Variants in PTPRZ1 observed in about 807,000 individuals in gnomAD.
The protein encoded by PTPRZ1 is receptor-type tyrosine-protein phosphatase zeta.
Under a neutral mutation model 214.1 loss-of-function variants are expected in PTPRZ1, and 82 were observed. The ratio of observed to expected loss-of-function variants is 0.38; its 90% CI spans 0.32 to 0.46. The LOEUF (loss-of-function observed/expected upper bound fraction) is 0.46, where lower values mean the gene tolerates loss of function less well. PTPRZ1 is among the 20% of genes least tolerant of loss of function. The pLI is 1.00. For synonymous variants in PTPRZ1, 945 were observed against 987.9 expected (o/e 0.96, Z 0.81); for missense variants, 2,603 against 2,748.7 (o/e 0.95, Z 1.19).
At chr7:121,935,143 G>A (rs945774416) in intron 2 of PTPRZ1, among the ~76,000 whole-genome samples, 1 of 152,054 alleles carries the variant, frequency 6.6e-6, no homozygotes, top group African/African-American at 2.4e-5. Context: ...TTATTTGGTC[G>A]CAACTCTTAT....
At chr7:122,003,546 G>A (rs1039786206) in intron 10 of PTPRZ1, among the ~76,000 whole-genome samples, 3 of 152,170 alleles carry the variant, frequency 2.0e-5, no homozygotes, top group Non-Finnish European at 4.4e-5. Flanking sequence ...TGTTGGTTCA[G>A]TTATACCTTG....
At chr7:121,888,643 T>C (rs966872533) in intron 1 of PTPRZ1, among the ~76,000 whole-genome samples, 9 of 152,178 alleles carry the variant, frequency 5.9e-5, no homozygotes, top group African/African-American at 2.2e-4. Context: ...TTGACTAATA[T>C]TGAATAATAG....
At chr7:121,928,272 G>A (rs1485520136) in intron 2 of PTPRZ1, 51 bp downstream of exon 2, 2 of 1,381,636 alleles carry the variant, frequency 1.4e-6, no homozygotes, top group Non-Finnish European at 2.0e-6. Flanking sequence ...TTATTGTTTT[G>A]TATCTATTTT....
In PTPRZ1 at chr7:122,010,536, A is replaced by G. The variant is rs764490062; in HGVS notation, c.1490A>G (p.Asn497Ser). 3.1e-6 allele frequency: 5 copies of G among 1,613,656 alleles called. No homozygotes were observed. The highest frequency in any genetic ancestry group is 4.2e-6 in the Non-Finnish European group (5 of 1,179,588). The change falls in exon 12 of 30, where the codon AAT (asparagine) becomes AGT (serine). Residue 497 changes from asparagine (N) to serine (S), a missense_variant. This residue lies in a region of PTPRZ1 where 1,913 missense variants were observed against 1,914.3 expected (regional missense o/e 1.00). Transcript: ENST00000393386. Reference sequence around the variant, plus strand: ...TTCTCTGGAAAGGGTGATGTTCCCAATACATCTTTAAATTCCACTTCCCAA... The same window carrying G: ...TTCTCTGGAAAGGGTGATGTTCCCAGTACATCTTTAAATTCCACTTCCCAA... ...SEFSGKGDVP[N>S]TSLNSTSQPV...
Position 121,989,884 on chromosome 7 carries a change from G to A in PTPRZ1, c.928+5767G>A, listed in dbSNP as rs1440849441. Among the ~76,000 whole-genome samples, 6 of 152,104 alleles carry A rather than the reference G, an allele frequency of 3.9e-5. No individual in the cohort carries two copies. The South Asian group carries it at 8.3e-4, about 21-fold the overall frequency. Reference sequence around the variant, plus strand: ...TACACTACCCAGAGATAACTATTATGAAGATTTTGGTAAATATCCATCCAG... The same window carrying A: ...TACACTACCCAGAGATAACTATTATAAAGATTTTGGTAAATATCCATCCAG... On this transcript the variant is annotated intron_variant, in intron 8 of 29. Coordinates refer to ENST00000393386, the MANE Select transcript of PTPRZ1 (RefSeq NM_002851.3).
intron 13 of PTPRZ1, among the ~76,000 whole-genome samples, chr7:122,026,717 T>C (rs1207907602): frequency 1.3e-5 from 2 of 152,226 alleles, no homozygotes; most frequent in African/African-American, 4.8e-5. Context: ...TCTCTCAATA[T>C]ATCTTCTCTC....
At chr7:121,898,522 T>A (rs1029396214) in intron 1 of PTPRZ1, among the ~76,000 whole-genome samples, 1 of 152,174 alleles carries the variant, frequency 6.6e-6, no homozygotes, top group African/African-American at 2.4e-5. Flanking sequence ...TGGAGTCTGA[T>A]GTCAGCCTTC....
intron 12 of PTPRZ1, among the ~76,000 whole-genome samples, chr7:122,018,427 C>A (rs1798911063): frequency 6.6e-6 from 1 of 152,070 alleles, no homozygotes; most frequent in Admixed American, 6.6e-5. Flanking sequence ...ACTCAAGGAC[C>A]AAATTCGGAT....
intron 2 of PTPRZ1, among the ~76,000 whole-genome samples, chr7:121,961,627 T>C (rs943258042): frequency 3.3e-5 from 5 of 152,240 alleles, no homozygotes; most frequent in Non-Finnish European, 7.3e-5. Context: ...TAGAATTGCT[T>C]TCCATTCCGC....
chr7:121,980,247 C>A (rs1797564858), intron 6 of PTPRZ1, among the ~76,000 whole-genome samples: 1 of 152,148 alleles, frequency 6.6e-6, no homozygotes, highest in African/African-American at 2.4e-5. Flanking sequence ...ATTCTCAACA[C>A]ACACATTTTT....
intron 2 of PTPRZ1, among the ~76,000 whole-genome samples, chr7:121,953,126 A>G (rs993543130): frequency 2.6e-5 from 4 of 152,232 alleles, no homozygotes; most frequent in African/African-American, 7.2e-5. Flanking sequence ...TAAATTTGCT[A>G]TCTTTAAATA....
Position 121,972,532 on chromosome 7 carries a change from T to A in PTPRZ1, c.305-9T>A. The A allele has an allele frequency of 6.3e-7, 1 of 1,581,456 alleles. No individual in the cohort carries two copies. The highest frequency in any genetic ancestry group is 1.4e-5 in the African/African-American group (1 of 73,420). ...AGAAGCTTAGGTGCAATTGTATTTCTTTTTTTAGTGGAAATTAATCTCACT... is the reference window on the plus strand; with the variant it reads ...AGAAGCTTAGGTGCAATTGTATTTCATTTTTTAGTGGAAATTAATCTCACT... On this transcript the variant is annotated splice_polypyrimidine_tract_variant and intron_variant, in intron 3 of 29. Transcript: ENST00000393386.
intron 1 of PTPRZ1, among the ~76,000 whole-genome samples, chr7:121,910,430 G>C (rs1368103621): frequency 6.6e-6 from 1 of 152,066 alleles, no homozygotes; most frequent in East Asian, 1.9e-4. Context: ...AACTACACAA[G>C]GACAACATGT....
chr7:122,041,091 G>A lies in PTPRZ1; in HGVS notation c.5801+112G>A, dbSNP rs1409739319. ...GGGAATGATTTCTTGAAATGAGGGT[G>A]ATGAAATTATATGTTCATTTTCATA... On this transcript the variant is annotated intron_variant, in intron 21 of 29. Coordinates refer to ENST00000393386, the MANE Select transcript of PTPRZ1 (RefSeq NM_002851.3). 4 of 1,003,496 alleles carry A rather than the reference G, an allele frequency of 4.0e-6. No individual in the cohort carries two copies. The East Asian group carries it at 8.2e-5, about 21-fold the overall frequency. The allele number at this position is 1,003,496 out of a possible 1,614,324, so 62.2% of individuals were successfully genotyped here.
In PTPRZ1 at chr7:121,976,843, G is replaced by C. The variant is rs370014497; in HGVS notation, c.611G>C (p.Ser204Thr). The C allele has an allele frequency of 1.4e-4, 232 of 1,610,498 alleles. No individual in the cohort carries two copies. Among genetic ancestry groups the C allele is most frequent in the Non-Finnish European group, 1.9e-4 (223 of 1,178,192 alleles). The change falls in exon 6 of 30, where the codon AGT becomes ACT. Residue 204 changes from serine to threonine, a missense_variant. By Grantham distance (58) the Ser-to-Thr change is moderately conservative (BLOSUM62 1). Around this residue, in one of 6 missense-constraint regions of PTPRZ1, gnomAD observed 244 missense variants for 333.2 expected, o/e 0.73. Coordinates refer to ENST00000393386, the MANE Select transcript of PTPRZ1 (RefSeq NM_002851.3). ...ATTATTGATGGAGTCGAAAGTGTTA[G>C]TCGTTTTGGTAAGCTACTTGGGGAA... ...KAIIDGVESV[S>T]RFGKQAALDP...
intron 23 of PTPRZ1, among the ~76,000 whole-genome samples, chr7:122,047,431 A>T (rs1206353): frequency 0.64 from 97,296 of 151,748 alleles, 32,931 homozygotes; most frequent in African/African-American, 0.88. Flanking sequence ...ATAATTGGAG[A>T]GTACAGAGAC....
At chr7:121,991,545 T>G (rs891854367) in intron 8 of PTPRZ1, among the ~76,000 whole-genome samples, 1 of 152,210 alleles carries the variant, frequency 6.6e-6, no homozygotes, top group East Asian at 1.9e-4. Context: ...TAATGAATTA[T>G]ACATTAGTAG....
intron 1 of PTPRZ1, among the ~76,000 whole-genome samples, chr7:121,903,199 T>C (rs1795021437): frequency 6.6e-6 from 1 of 152,222 alleles, no homozygotes; most frequent in Non-Finnish European, 1.5e-5. Context: ...TGGGCAACTG[T>C]GTTATTATAG....
Position 121,967,982 on chromosome 7 carries a change from A to T in PTPRZ1, c.156A>T (p.Lys52Asn). 1 of 1,589,004 alleles carries T rather than the reference A, an allele frequency of 6.3e-7. No individual in the cohort carries two copies. Among genetic ancestry groups the T allele is most frequent in the East Asian group, 2.3e-5 (1 of 44,366 alleles). Residue 52 changes from lysine (K) to asparagine (N), a missense_variant, in exon 3 of 30, where the codon AAA (lysine) becomes AAT (asparagine). Lys to Asn is a moderately conservative substitution (Grantham distance 94). This residue lies in a region of PTPRZ1 where 141 missense variants were observed against 143.7 expected (regional missense o/e 0.98). Coordinates refer to ENST00000393386, the MANE Select transcript of PTPRZ1 (RefSeq NM_002851.3). Reference protein sequence around the residue: ...GALNQKNWGKKYPTCNSPKQS... With the variant: ...GALNQKNWGKNYPTCNSPKQS... ...TGAATCAAAAAAATTGGGGAAAGAA[A>T]TATCCAACATGTAATAGCCCAAAAC... is the stretch of plus-strand genomic sequence containing the variant.
Sources: gnomAD v4.1 joint callset for allele counts (sites outside exome capture counted in the v4.1 genomes callset) on GRCh38, gnomAD v4.1.1 for gene constraint, gnomAD v4.1.1 regional missense constraint, MANE v1.5 for transcripts, NCBI Gene and HGNC (gene_info 2026-07-23, HGNC 2026-07-21) for gene names.